The following CLIP1 variants were observed in gnomAD, a reference collection of about 807,000 sequenced individuals.
The protein encoded by CLIP1 is CAP-Gly domain containing linker protein 1.
A neutral mutation model predicts 161.6 loss-of-function variants in CLIP1; 66 were observed. The observed-to-expected ratio is 0.41, with a 90% confidence interval of 0.33 to 0.50. The LOEUF is 0.50. Among genes scored for constraint, CLIP1 ranks in the 20% least tolerant of loss-of-function variants. The pLI is 0.27. For missense variants in CLIP1, 1,376 were observed against 1,702.0 expected, an observed-to-expected ratio of 0.81 and a Z score of 3.37; for synonymous variants, 598 against 626.2, an observed-to-expected ratio of 0.96 and a Z score of 0.67.
chr12:122,413,712 G>T (rs1361709895), intron 1 of CLIP1, among the ~76,000 whole-genome samples: 1 of 152,154 alleles, frequency 6.6e-6, no homozygotes, highest in Non-Finnish European at 1.5e-5. Context: ...TCCCAATAGG[G>T]ATTCTGTAAT....
chr12:122,404,796 AG>A (rs1222635445), intron 1 of CLIP1, among the ~76,000 whole-genome samples: 2 of 146,204 alleles, frequency 1.4e-5, no homozygotes, highest in East Asian at 2.1e-4. Flanking sequence ...CCAACAACTC[AG>A]GAGGCTGAGG....
At chr12:122,397,069 G>A (rs529461908) in intron 1 of CLIP1, among the ~76,000 whole-genome samples, 9 of 146,600 alleles carry the variant, frequency 6.1e-5, no homozygotes, top group South Asian at 2.2e-4. Flanking sequence ...GTAAGCCACC[G>A]TGCCTGGCCT....
intron 1 of CLIP1, among the ~76,000 whole-genome samples, chr12:122,419,596 T>G (rs572631107): frequency 1.9e-3 from 283 of 152,076 alleles, no homozygotes; most frequent in Non-Finnish European, 2.8e-3. Context: ...AACTCATCTC[T>G]TATACACCAT....
Position 122,353,726 on chromosome 12 carries a change from G to T in CLIP1, c.1307+727C>A, listed in dbSNP as rs562669611. 5.1e-3 allele frequency among the ~76,000 whole-genome samples: 775 copies of T among 152,208 alleles called. 4 individuals are homozygous for T. Among genetic ancestry groups the T allele is most frequent in the Non-Finnish European group, 8.6e-3 (588 of 68,018 alleles). ...GCTCACTGCCACCTCTGCCACCCGG[G>T]TTCAAGCAATTCTCCTGCCTCAGCC... On this transcript the variant is annotated intron_variant, in intron 7 of 25. Coordinates refer to ENST00000620786, the MANE Select transcript of CLIP1 (RefSeq NM_001247997.2).
At chr12:122,306,998 CTTTTTTTTTTTTTTTTT>C (rs56949793) in intron 20 of CLIP1, among the ~76,000 whole-genome samples, 11 of 81,000 alleles carry the variant, frequency 1.4e-4, no homozygotes, top group African/African-American at 5.4e-4. Flanking sequence ...GGTAAGTTCA[CTTTTTTTTTTTTTTTTT>C]TTTTTTTTTT....
At chr12:122,314,941 T>G (rs1293655730) in intron 19 of CLIP1, among the ~76,000 whole-genome samples, 1 of 152,178 alleles carries the variant, frequency 6.6e-6, no homozygotes, top group East Asian at 1.9e-4. Context: ...AATTGTAAAT[T>G]TATAAATCTG....
chr12:122,311,455 C>T lies in CLIP1; in HGVS notation c.3474-1573G>A, dbSNP rs1327545374. ...TTTTTTTTTTTTTGAGACAGAGTCT[C>T]GCTCTGTCGCCCAGGCTGGAGTGCA... On this transcript the variant is annotated intron_variant, in intron 19 of 25. Coordinates refer to ENST00000620786, the MANE Select transcript of CLIP1 (RefSeq NM_001247997.2). The surrounding 1 kb of genome is among the most constrained non-coding windows in gnomAD (Gnocchi z 4.3). 2.0e-5 allele frequency among the ~76,000 whole-genome samples: 3 copies of T among 151,576 alleles called. No individual in the cohort carries two copies. The highest frequency in any genetic ancestry group is 4.9e-5 in the African/African-American group (2 of 41,226).
chr12:122,345,102 T>A (rs1046947297), intron 10 of CLIP1, among the ~76,000 whole-genome samples: 5 of 151,982 alleles, frequency 3.3e-5, no homozygotes. Context: ...AGGAACTCAA[T>A]CTCATTAGTC....
At position 122,335,898 on chromosome 12, in the gene CLIP1, G is replaced by T. The variant is rs142015686; in HGVS notation, c.2568+734C>A. Among the ~76,000 whole-genome samples the T allele has an allele frequency of 6.6e-5, 10 of 152,106 alleles. No homozygotes were observed. In the East Asian group the frequency reaches 1.9e-3, roughly 29 times the overall value. ...GAAGAGGAAGGGATGTGGAGGACCT[G>T]GGACAGCTGACCCTGCGTGGCACAT... On this transcript the variant is annotated intron_variant, in intron 12 of 25. Coordinates refer to ENST00000620786, the MANE Select transcript of CLIP1 (RefSeq NM_001247997.2).
At chr12:122,336,999 T>TC (rs1952259519) in intron 11 of CLIP1, among the ~76,000 whole-genome samples, 1 of 150,670 alleles carries the variant, frequency 6.6e-6, no homozygotes, top group South Asian at 2.1e-4. Context: ...ACACAGGGTC[T>TC]CCCCTGTCAC....
intron 10 of CLIP1, among the ~76,000 whole-genome samples, chr12:122,345,279 G>T (rs1952692472): frequency 1.3e-5 from 2 of 151,460 alleles, no homozygotes; most frequent in African/African-American, 4.9e-5. Context: ...GGGCTCAAGA[G>T]ATCCTTCCAC....
intron 20 of CLIP1, among the ~76,000 whole-genome samples, chr12:122,299,785 A>G (rs776726460): frequency 9.2e-5 from 14 of 151,736 alleles, no homozygotes; most frequent in Non-Finnish European, 1.8e-4. Context: ...GCGTGGTGGC[A>G]GGTGCCTGTA....
chr12:122,283,024 C>T (rs1173787974), intron 21 of CLIP1, among the ~76,000 whole-genome samples: 3 of 152,162 alleles, frequency 2.0e-5, no homozygotes, highest in Non-Finnish European at 2.9e-5. Context: ...CCAGTTTTTA[C>T]TCCTAACAGA....
chr12:122,388,808 CA>C (rs1285872707), intron 1 of CLIP1, among the ~76,000 whole-genome samples: 1 of 152,078 alleles, frequency 6.6e-6, no homozygotes, highest in Admixed American at 6.6e-5. Flanking sequence ...CTCCTAGGCT[CA>C]AGTAATCCTA....
At chr12:122,309,696 G>A in intron 20 of CLIP1, 66 bp downstream of exon 20, 2 of 1,596,666 alleles carry the variant, frequency 1.3e-6, no homozygotes, top group Non-Finnish European at 1.7e-6. Flanking sequence ...TGGCCTCTGA[G>A]CGTGCTGCCA....
At chr12:122,306,352 A>T (rs1950873932) in intron 20 of CLIP1, among the ~76,000 whole-genome samples, 1 of 152,178 alleles carries the variant, frequency 6.6e-6, no homozygotes, top group Admixed American at 6.5e-5. Flanking sequence ...AAGTAAAGTG[A>T]ATCATCTAAA....
chr12:122,370,523 T>G (rs1293581070), intron 3 of CLIP1, among the ~76,000 whole-genome samples: 6 of 152,192 alleles, frequency 3.9e-5, no homozygotes, highest in Non-Finnish European at 8.8e-5. Flanking sequence ...AGTTACTTTA[T>G]TCCTTTTATG....
At chr12:122,288,694 A>C (rs1566079168) in intron 20 of CLIP1, among the ~76,000 whole-genome samples, 153 bp from the exon 21 acceptor site, 1 of 152,132 alleles carries the variant, frequency 6.6e-6, no homozygotes, top group Non-Finnish European at 1.5e-5. Flanking sequence ...ACTCTATCAC[A>C]GGATGTGTAG....
In CLIP1 at chr12:122,272,710, G is replaced by A. The variant is rs1048211660; in HGVS notation, c.*165C>T. On this transcript the variant is annotated 3_prime_UTR_variant, in exon 26 of 26. Transcript: ENST00000620786. ...ATATTTATTATTCTAACTCATACGG[G>A]GAGACTAAAGGGCAATTTGTTGAAG... The A allele has an allele frequency of 3.2e-6, 2 of 627,510 alleles. No homozygotes were observed. Among genetic ancestry groups the A allele is most frequent in the Non-Finnish European group, 5.7e-6 (2 of 350,478 alleles). 38.9% of individuals were successfully genotyped at this position (627,510 alleles called of 1,614,324 possible).
Sources: allele counts gnomAD v4.1 joint callset (sites outside exome capture counted in the v4.1 genomes callset), GRCh38; gene constraint gnomAD v4.1.1; non-coding constraint Gnocchi (gnomAD v3.1); transcripts MANE v1.5; gene names NCBI Gene and HGNC (gene_info 2026-07-23, HGNC 2026-07-21).